TRIM67: variants seen among roughly 807,000 people sequenced by gnomAD.
TRIM67 encodes the protein tripartite motif containing 67.
Under a neutral mutation model 71.0 loss-of-function variants are expected in TRIM67, and 39 were observed. The ratio of observed to expected loss-of-function variants is 0.55; its 90% confidence interval spans 0.43 to 0.72. The LOEUF (loss-of-function observed/expected upper bound fraction) is 0.72. Among genes scored for constraint, TRIM67 ranks in the 30% least tolerant of loss-of-function variants. The pLI, the probability that TRIM67 is intolerant of heterozygous loss-of-function variation, is 0.00. For synonymous variants in TRIM67, 481 were observed against 473.9 expected (o/e 1.01, Z -0.19); for missense variants, 973 against 1,079.2 (o/e 0.90, Z 1.38).
chr1:231,172,109 C>G (rs1017974794), intron 1 of TRIM67, among the ~76,000 whole-genome samples: 14 of 152,250 alleles, frequency 9.2e-5, no homozygotes, highest in African/African-American at 3.1e-4. Context: ...AACCAACAAA[C>G]CAACAAAAAC....
At chr1:231,185,149 G>A in intron 1 of TRIM67, 1 of 1,532,832 alleles carries the variant, frequency 6.5e-7, no homozygotes, top group Non-Finnish European at 8.7e-7. Context: ...AGTGTGTGTT[G>A]TCCAGCCAGC....
Position 231,219,221 on chromosome 1 carries a change from T to C in TRIM67, c.*3781T>C. 7 of 984,590 alleles carry C rather than the reference T, an allele frequency of 7.1e-6. No individual in the cohort carries two copies. The highest frequency in any genetic ancestry group is 8.4e-6 in the Non-Finnish European group (7 of 829,178). The allele number at this position is 984,590 out of a possible 1,614,324, so 61.0% of individuals were successfully genotyped here. On this transcript the variant is annotated 3_prime_UTR_variant, in exon 10 of 10. Coordinates refer to ENST00000366653, the MANE Select transcript of TRIM67 (RefSeq NM_001004342.5). ...CTGACATTTTGCGATAGGTTCTGTA[T>C]GCCGTAGGATGTTTAGCAACATCCC...
chr1:231,178,623 A>G (rs961091455), intron 1 of TRIM67, among the ~76,000 whole-genome samples: 1 of 152,218 alleles, frequency 6.6e-6, no homozygotes, highest in African/African-American at 2.4e-5. Flanking sequence ...TGGCAAGGCC[A>G]CTTCCCCTCC....
chr1:231,213,234 C>T (rs1047033568), intron 8 of TRIM67, among the ~76,000 whole-genome samples: 7 of 152,146 alleles, frequency 4.6e-5, no homozygotes, highest in African/African-American at 1.4e-4. Flanking sequence ...CATCAAAACC[C>T]GAATTTTCTA....
At chr1:231,211,374 G>T (rs1683864377) in intron 8 of TRIM67, among the ~76,000 whole-genome samples, 1 of 152,158 alleles carries the variant, frequency 6.6e-6, no homozygotes, top group African/African-American at 2.4e-5. Context: ...ATGTGGATCG[G>T]GTAGGGTAAG....
At position 231,215,454 on chromosome 1, in the gene TRIM67, C is replaced by T. The variant is rs776284337; in HGVS notation, c.*14C>T. 9.4e-6 allele frequency: 15 copies of T among 1,593,960 alleles called. No individual in the cohort carries two copies. Among genetic ancestry groups the T allele is most frequent in the African/African-American group, 2.7e-5 (2 of 74,498 alleles). ...TCAGGCAATTAGCCCCGCTCCAGCT[C>T]GGCACTGTGCCTGTGACAGTGACAT... On this transcript the variant is annotated 3_prime_UTR_variant, in exon 10 of 10. Transcript: ENST00000366653.
rs376886233 is a variant in TRIM67, at chr1:231,197,415, G to A, written c.1089G>A (p.Lys363=). The change falls in exon 2 of 10, where the codon AAG becomes AAA. Residue 363 remains lysine (K), a synonymous_variant. Transcript: ENST00000366653. ...TAAATGGAGTTTCAGATAAGGCAAAGGAAGCAAAGGAGTTTCTGGTTCAGC... is the reference window on the plus strand; with the variant it reads ...TAAATGGAGTTTCAGATAAGGCAAAAGAAGCAAAGGAGTTTCTGGTTCAGC... ...QALNGVSDKA[K]EAKEFLVQLK... The A allele has an allele frequency of 5.0e-5, 80 of 1,613,906 alleles. No homozygotes were observed. The highest frequency in any genetic ancestry group is 6.5e-5 in the Non-Finnish European group (77 of 1,179,880).
Position 231,206,713 on chromosome 1 carries a change from A to G in TRIM67, c.1742A>G (p.Tyr581Cys). The change falls in exon 7 of 10, where the codon TAC (tyrosine) becomes TGC (cysteine). Residue 581 changes from tyrosine to cysteine, a missense_variant. Physicochemically the swap from Tyr to Cys is radical, Grantham distance 194 (BLOSUM62 -2). This residue lies in a region of TRIM67 where 795 missense variants were observed against 831.3 expected (regional missense o/e 0.96). Transcript: ENST00000366653. ...GACGGTCTTCACTTCAACAGCACCT[A>G]CAACGCCCGAGTCAAAGCTTTCAAC... The part of the protein sequence containing the change: ...TIDGLHFNST[Y>C]NARVKAFNSS... 6.2e-7 allele frequency: 1 copy of G among 1,611,788 alleles called. No homozygotes were observed. Among genetic ancestry groups the G allele is most frequent in the Non-Finnish European group, 8.5e-7 (1 of 1,179,062 alleles).
intron 8 of TRIM67, among the ~76,000 whole-genome samples, chr1:231,211,016 C>G (rs1683851773): frequency 8.1e-6 from 1 of 122,988 alleles, no homozygotes; most frequent in Non-Finnish European, 1.7e-5. Context: ...ACCCTCCTCT[C>G]TACCAAAAAA....
At chr1:231,201,643 G>A (rs1054985173) in intron 5 of TRIM67, 126 bp downstream of exon 5, 2 of 1,223,996 alleles carry the variant, frequency 1.6e-6, no homozygotes, top group Non-Finnish European at 2.2e-6. Context: ...GAGAGCAGGA[G>A]CGCCAGAGTC....
At position 231,209,277 on chromosome 1, in the gene TRIM67, C is replaced by T. The variant is rs185298979; in HGVS notation, c.2123+27C>T. 13 of 1,513,144 alleles carry T rather than the reference C, an allele frequency of 8.6e-6. No individual in the cohort carries two copies. Among genetic ancestry groups the T allele is most frequent in the East Asian group, 4.7e-5 (2 of 42,952 alleles). The allele number at this position is 1,513,144 out of a possible 1,614,324, so 93.7% of individuals were successfully genotyped here. ...TGCGATTGGGCCCCATCCTGCCTCC[C>T]GTGGACACAGGTTGTTTGGGAATGA... On this transcript the variant is annotated intron_variant, in intron 8 of 9. Coordinates refer to ENST00000366653, the MANE Select transcript of TRIM67 (RefSeq NM_001004342.5). The surrounding 1 kb of genome is among the most constrained non-coding windows in gnomAD (Gnocchi z 4.1).
At chr1:231,174,861 A>T (rs948470226) in intron 1 of TRIM67, among the ~76,000 whole-genome samples, 2 of 152,180 alleles carry the variant, frequency 1.3e-5, no homozygotes, top group African/African-American at 4.8e-5. Flanking sequence ...AAACTAATAA[A>T]TGCATAAATA....
intron 1 of TRIM67, among the ~76,000 whole-genome samples, chr1:231,171,716 A>T (rs1446161786): frequency 1.3e-5 from 2 of 152,202 alleles, no homozygotes. Flanking sequence ...AGAGATTATG[A>T]GTCGCAACCT....
chr1:231,175,172 A>C (rs1682713309), intron 1 of TRIM67, among the ~76,000 whole-genome samples: 1 of 152,194 alleles, frequency 6.6e-6, no homozygotes, highest in African/African-American at 2.4e-5. Context: ...GGAGGGCGTG[A>C]GTTTTACCTC....
chr1:231,215,339 C>T, intron 9 of TRIM67, 36 bp from the exon 10 acceptor site: 2 of 1,604,614 alleles, frequency 1.2e-6, no homozygotes, highest in Non-Finnish European at 1.7e-6. Context: ...CTGCGGCAGC[C>T]TCTCCCACCC....
At chr1:231,210,448 G>T (rs1176105610) in intron 8 of TRIM67, among the ~76,000 whole-genome samples, 1 of 151,358 alleles carries the variant, frequency 6.6e-6, no homozygotes, top group Non-Finnish European at 1.5e-5. Context: ...TTGTAGGCAG[G>T]GCCCCTTCTC....
At position 231,185,163 on chromosome 1, in the gene TRIM67, C is replaced by A. The variant is rs138028292; in HGVS notation, c.1045-12208C>A. The A allele has an allele frequency of 4.1e-4, 630 of 1,532,906 alleles. 16 individuals are homozygous for A. The African/African-American group carries it at 7.8e-3, about 19-fold the overall frequency. 95.0% of individuals were successfully genotyped at this position (1,532,906 alleles called of 1,614,324 possible). ...AAGTGTGTGTTGTCCAGCCAGCCAG[C>A]CTGTACTCCACGGCGTCCATTCCTG... is the stretch of plus-strand genomic sequence containing the variant. On this transcript the variant is annotated intron_variant, in intron 1 of 9. Coordinates refer to ENST00000366653, the MANE Select transcript of TRIM67 (RefSeq NM_001004342.5).
At chr1:231,197,580 C>A in intron 2 of TRIM67, 114 bp downstream of exon 2, 1 of 894,256 alleles carries the variant, frequency 1.1e-6, no homozygotes, top group Non-Finnish European at 1.7e-6. Flanking sequence ...AATCCCAACA[C>A]TTTGGGAGGC....
chr1:231,180,092 C>T (rs1458470814), intron 1 of TRIM67, among the ~76,000 whole-genome samples: 2 of 152,202 alleles, frequency 1.3e-5, no homozygotes. Flanking sequence ...TGCCCTAATG[C>T]TTAAATGTCC....
Sources: gnomAD v4.1 joint callset for allele counts (sites outside exome capture counted in the v4.1 genomes callset) on GRCh38, gnomAD v4.1.1 for gene constraint, gnomAD v4.1.1 regional missense constraint, Gnocchi (gnomAD v3.1) non-coding constraint, MANE v1.5 for transcripts, NCBI Gene and HGNC (gene_info 2026-07-23, HGNC 2026-07-21) for gene names.